Variants in IFT80 observed in about 807,000 individuals in gnomAD.
IFT80 encodes intraflagellar transport 80.
In IFT80, 79 loss-of-function variants were observed where a neutral mutation model predicts 107.9. The ratio of observed to expected loss-of-function variants is 0.73; its 90% confidence interval spans 0.61 to 0.88. IFT80 has a LOEUF of 0.88. IFT80 is among the 40% of genes least tolerant of loss of function. The probability of loss-of-function intolerance (pLI) is 0.00; values close to 1 mark genes in which losing one functional copy is unlikely to be tolerated. For synonymous variants in IFT80, 299 were observed against 300.9 expected (o/e 0.99, Z 0.07); for missense variants, 797 against 914.2 (o/e 0.87, Z 1.65).
intron 9 of IFT80, among the ~76,000 whole-genome samples, chr3:160,318,426 G>A (rs1223810635): frequency 6.6e-6 from 1 of 152,074 alleles, no homozygotes; most frequent in Non-Finnish European, 1.5e-5. Context: ...ATTGATACAG[G>A]CAAAAGGAAT....
chr3:160,319,214 A>G (rs2108297158), intron 9 of IFT80, among the ~76,000 whole-genome samples: 1 of 152,100 alleles, frequency 6.6e-6, no homozygotes, highest in East Asian at 1.9e-4. Context: ...TGTTATAGGG[A>G]CCTCAGTCAT....
At position 160,357,581 on chromosome 3, in the gene IFT80, G is replaced by GT. The variant is rs1373941506; in HGVS notation, c.550-4dup. The GT allele has an allele frequency of 6.4e-7, 1 of 1,568,392 alleles. No individual in the cohort carries two copies. The highest frequency in any genetic ancestry group is 2.2e-5 in the East Asian group (1 of 44,514). On this transcript the variant is annotated splice_polypyrimidine_tract_variant and splice_region_variant and intron_variant, in intron 6 of 19. Coordinates refer to ENST00000326448, the MANE Select transcript of IFT80 (RefSeq NM_020800.3). The stretch of plus-strand genomic sequence containing the variant: ...ATAATGCCATCATGAGCTTTCCACT[G>GT]TGAGAAAAAAGAATAAGATATTAAT...
At chr3:160,372,375 C>A (rs1711592559) in intron 5 of IFT80, among the ~76,000 whole-genome samples, 1 of 152,206 alleles carries the variant, frequency 6.6e-6, no homozygotes, top group Admixed American at 6.5e-5. Flanking sequence ...GATTTACAAT[C>A]ACCCTCAAAA....
intron 1 of IFT80, among the ~76,000 whole-genome samples, chr3:160,388,492 A>G (rs1053359859): frequency 4.6e-5 from 7 of 151,022 alleles, no homozygotes; most frequent in African/African-American, 1.7e-4. Context: ...ATACATCATG[A>G]CCGTGGTAGG....
chr3:160,300,969 G>A lies in IFT80; in HGVS notation c.1229C>T (p.Pro410Leu), dbSNP rs148396265. 2.6e-5 allele frequency: 42 copies of A among 1,609,628 alleles called. No homozygotes were observed. The highest frequency in any genetic ancestry group is 1.8e-4 in the South Asian group (16 of 90,308). ...ATTCAGAATATCTGTTCTCATTCCA[G>A]GAAATTTTGGAGATGAAATAAAGCG... ...EGRFISSPKF[P>L]GMRTDILNAQ... Residue 410 changes from proline to leucine, a missense_variant, in exon 12 of 20, where the codon CCT (proline) becomes CTT (leucine). Physicochemically the swap from Pro to Leu is moderately conservative, Grantham distance 98. Transcript: ENST00000326448.
rs200660321 is a variant in IFT80 at position 160,370,375 on chromosome 3, A to ATT, written c.440-4225_440-4224dup. On this transcript the variant is annotated intron_variant, in intron 5 of 19. Coordinates refer to ENST00000326448, the MANE Select transcript of IFT80 (RefSeq NM_020800.3). ...TATTGTTCATAGTAGTAGCCATTTG[A>ATT]TTTTTTTTTTTTTCTGTTTTGGCCA... 9.8e-3 allele frequency among the ~76,000 whole-genome samples: 1,440 copies of ATT among 146,688 alleles called. 54 individuals carry two copies. Among genetic ancestry groups the ATT allele is most frequent in the East Asian group, 0.091 (459 of 5,042 alleles).
At chr3:160,398,074 C>A (rs1713978030) in intron 1 of IFT80, among the ~76,000 whole-genome samples, 1 of 152,112 alleles carries the variant, frequency 6.6e-6, no homozygotes, top group South Asian at 2.1e-4. Flanking sequence ...GGTATGCTTA[C>A]CAGCCAAAAA....
intron 14 of IFT80, among the ~76,000 whole-genome samples, chr3:160,281,835 G>C (rs1171250920): frequency 1.3e-5 from 2 of 152,160 alleles, no homozygotes; most frequent in Non-Finnish European, 2.9e-5. Context: ...CCCACCCAAG[G>C]GAAGAATTAG....
intron 15 of IFT80, 44 bp from the exon 16 acceptor site, chr3:160,279,408 A>G (rs772182976): frequency 4.5e-6 from 7 of 1,544,134 alleles, no homozygotes; most frequent in Admixed American, 1.7e-5. Context: ...TTGTATTCTG[A>G]GCAAAATTTT....
chr3:160,311,569 G>C (rs538710631), intron 9 of IFT80, among the ~76,000 whole-genome samples: 2 of 152,178 alleles, frequency 1.3e-5, no homozygotes, highest in Non-Finnish European at 2.9e-5. Flanking sequence ...CAAGGAGTAG[G>C]AGGAATGACT....
At chr3:160,347,380 G>A (rs1204064357) in intron 8 of IFT80, among the ~76,000 whole-genome samples, 3 of 151,868 alleles carry the variant, frequency 2.0e-5, no homozygotes, top group South Asian at 2.1e-4. Context: ...CCAGCTTAAC[G>A]GCTGCTTCAG....
At chr3:160,391,108 C>T (rs1257883748) in intron 1 of IFT80, among the ~76,000 whole-genome samples, 1 of 152,184 alleles carries the variant, frequency 6.6e-6, no homozygotes, top group Non-Finnish European at 1.5e-5. Context: ...GGGCACACTA[C>T]CTATGGGGTA....
At chr3:160,282,861 T>G (rs1714795681) in intron 13 of IFT80, among the ~76,000 whole-genome samples, 1 of 152,178 alleles carries the variant, frequency 6.6e-6, no homozygotes, top group South Asian at 2.1e-4. Context: ...TAATATGTAT[T>G]TTGATATTCT....
chr3:160,396,357 A>C (rs937362745), intron 1 of IFT80, among the ~76,000 whole-genome samples: 2 of 152,134 alleles, frequency 1.3e-5, no homozygotes, highest in East Asian at 1.9e-4. Context: ...ATATTAGTTA[A>C]TATCTAATTT....
intron 19 of IFT80, among the ~76,000 whole-genome samples, chr3:160,264,930 A>G (rs1713179106): frequency 6.6e-6 from 1 of 152,078 alleles, no homozygotes; most frequent in Non-Finnish European, 1.5e-5. Context: ...GTGAGCTTCT[A>G]CTATTCATCC....
chr3:160,304,504 C>G (rs1161473869), intron 10 of IFT80, among the ~76,000 whole-genome samples: 1 of 148,244 alleles, frequency 6.7e-6, no homozygotes, highest in African/African-American at 2.5e-5. Context: ...GGCACAATCT[C>G]GGCTCACTGC....
At chr3:160,369,035 T>A (rs1196705670) in intron 5 of IFT80, among the ~76,000 whole-genome samples, 1 of 151,972 alleles carries the variant, frequency 6.6e-6, no homozygotes, top group Non-Finnish European at 1.5e-5. Flanking sequence ...ACATTTAATT[T>A]GTGGTCCCAT....
intron 11 of IFT80, among the ~76,000 whole-genome samples, chr3:160,303,298 G>A (rs1170245828): frequency 3.9e-5 from 6 of 152,196 alleles, no homozygotes; most frequent in African/African-American, 1.4e-4. Context: ...CTAATTGACA[G>A]TTTTCATGGA....
chr3:160,338,151 G>C (rs1202706735), intron 8 of IFT80, among the ~76,000 whole-genome samples: 1 of 152,086 alleles, frequency 6.6e-6, no homozygotes, highest in Non-Finnish European at 1.5e-5. Context: ...CAATTATACA[G>C]CACCAAGATT....
Sources: gnomAD v4.1 joint callset for allele counts (sites outside exome capture counted in the v4.1 genomes callset) on GRCh38, gnomAD v4.1.1 for gene constraint, MANE v1.5 for transcripts, NCBI Gene and HGNC (gene_info 2026-07-23, HGNC 2026-07-21) for gene names.